VPS13B: variants seen among roughly 807,000 people sequenced by gnomAD.
VPS13B encodes the protein vacuolar protein sorting 13 homolog B, also known as intermembrane lipid transfer protein VPS13B.
VPS13B carries 285 observed loss-of-function variants against 426.4 expected under a neutral mutation model. The ratio of observed to expected loss-of-function variants is 0.67; its 90% CI spans 0.61 to 0.74. VPS13B has a LOEUF of 0.74. Among genes scored for constraint, VPS13B ranks in the 30% least tolerant of loss-of-function variants. VPS13B has a pLI of 0.00. For missense variants in VPS13B, 4,537 were observed against 4,782.6 expected, an observed-to-expected ratio of 0.95 and a Z score of 1.51; for synonymous variants, 1,676 against 1,676.4, an observed-to-expected ratio of 1.00 and a Z score of 0.01.
intron 11 of VPS13B, 53 bp from the exon 12 acceptor site, chr8:99,136,612 T>G: frequency 6.3e-7 from 1 of 1,593,044 alleles, no homozygotes; most frequent in Non-Finnish European, 8.6e-7. Context: ...AGCTTTAAAC[T>G]CAAAAGTTTC....
intron 34 of VPS13B, among the ~76,000 whole-genome samples, chr8:99,653,081 T>C (rs1339959597): frequency 1.3e-5 from 2 of 152,198 alleles, no homozygotes; most frequent in Non-Finnish European, 2.9e-5. Context: ...AACAGCTAAA[T>C]TTCTTGGTGC....
chr8:99,439,244 A>G (rs1817557950), intron 22 of VPS13B, among the ~76,000 whole-genome samples: 1 of 152,188 alleles, frequency 6.6e-6, no homozygotes, highest in South Asian at 2.1e-4. Context: ...ACAATTATTT[A>G]TTGAGTACAT....
At chr8:99,082,892 G>A (rs1249888018) in intron 3 of VPS13B, among the ~76,000 whole-genome samples, 1 of 152,164 alleles carries the variant, frequency 6.6e-6, no homozygotes, top group East Asian at 1.9e-4. Context: ...AAGTCAGGTA[G>A]CCTGATGCCT....
intron 7 of VPS13B, among the ~76,000 whole-genome samples, chr8:99,118,523 C>T (rs1375637497): frequency 6.6e-6 from 1 of 151,846 alleles, no homozygotes; most frequent in African/African-American, 2.4e-5. Context: ...TTTCTTATGC[C>T]CCTTTCTAGT....
Position 99,150,051 on chromosome 8 carries a change from T to C in VPS13B, c.2013+2041T>C, listed in dbSNP as rs77557312. Among the ~76,000 whole-genome samples, 350 of 152,252 alleles carry C rather than the reference T, an allele frequency of 2.3e-3. 9 individuals carry two copies. In the East Asian group the frequency reaches 0.048, roughly 21 times the overall value. Reference sequence around the variant, plus strand: ...AAAAAGTGTCCTAACTTTAAAGAAGTTATGTAAGGGAATTAACTATATGCA... The same window carrying C: ...AAAAAGTGTCCTAACTTTAAAGAAGCTATGTAAGGGAATTAACTATATGCA... On this transcript the variant is annotated intron_variant, in intron 14 of 61. Transcript: ENST00000357162.
Position 99,226,348 on chromosome 8 carries a change from G to A in VPS13B, c.2515+33291G>A, listed in dbSNP as rs76153723. On this transcript the variant is annotated intron_variant, in intron 17 of 61. Coordinates refer to ENST00000357162, the MANE Select transcript of VPS13B (RefSeq NM_152564.5). ...CTTCAAATCCTTCAGACTGCTTTAG[G>A]TGTACTTCTTTTAAGTTCCCAGAGT... is the stretch of plus-strand genomic sequence containing the variant. 1.0e-2 allele frequency among the ~76,000 whole-genome samples: 1,514 copies of A among 152,106 alleles called. 34 individuals are homozygous for A. The highest frequency in any genetic ancestry group is 0.035 in the African/African-American group (1,451 of 41,476).
At chr8:99,237,632 A>G (rs1226416926) in intron 17 of VPS13B, among the ~76,000 whole-genome samples, 1 of 152,176 alleles carries the variant, frequency 6.6e-6, no homozygotes, top group Non-Finnish European at 1.5e-5. Flanking sequence ...ACAGGGATAT[A>G]GAATTAATTG....
intron 17 of VPS13B, among the ~76,000 whole-genome samples, chr8:99,246,140 A>T (rs1817203569): frequency 1.3e-5 from 2 of 152,356 alleles, no homozygotes; most frequent in East Asian, 3.9e-4. Context: ...GGGTTCAAGA[A>T]CACAAGTTTT....
intron 33 of VPS13B, among the ~76,000 whole-genome samples, chr8:99,607,332 C>T (rs1275351854): frequency 6.6e-6 from 1 of 152,100 alleles, no homozygotes; most frequent in Non-Finnish European, 1.5e-5. Flanking sequence ...AGATTAATGA[C>T]CAATGGTAGT....
chr8:99,021,933 G>C (rs1180029879), intron 2 of VPS13B, among the ~76,000 whole-genome samples: 1 of 152,090 alleles, frequency 6.6e-6, no homozygotes, highest in East Asian at 1.9e-4. Flanking sequence ...TTATAAAGCT[G>C]CCTGATTTAC....
intron 24 of VPS13B, among the ~76,000 whole-genome samples, chr8:99,472,525 A>T (rs915512987): frequency 6.6e-6 from 1 of 151,814 alleles, no homozygotes; most frequent in African/African-American, 2.4e-5. Context: ...AAAAAACTGG[A>T]TAAGCTAAGG....
In VPS13B at chr8:99,429,938, A is replaced by G. The variant is rs116272493; in HGVS notation, c.3083-1599A>G. ...GGTCCCTATATATAGCTCTAACCTC[A>G]TGTCCTACTTTTCTCACCCTTGCTC... On this transcript the variant is annotated intron_variant, in intron 21 of 61. Coordinates refer to ENST00000357162, the MANE Select transcript of VPS13B (RefSeq NM_152564.5). Among the ~76,000 whole-genome samples the G allele has an allele frequency of 2.1e-4, 32 of 152,138 alleles. No homozygotes were observed. In the East Asian group the frequency reaches 2.9e-3, roughly 14 times the overall value.
At chr8:99,860,949 T>C (rs1240040663) in intron 57 of VPS13B, among the ~76,000 whole-genome samples, 1 of 152,232 alleles carries the variant, frequency 6.6e-6, no homozygotes, top group African/African-American at 2.4e-5. Context: ...AATTACATCC[T>C]CAGAATGGCA....
intron 3 of VPS13B, among the ~76,000 whole-genome samples, chr8:99,087,531 C>T (rs915786438): frequency 1.3e-5 from 2 of 152,024 alleles, no homozygotes; most frequent in Non-Finnish European, 2.9e-5. Flanking sequence ...GCAGAAATCA[C>T]CTGTCTTCTG....
intron 17 of VPS13B, among the ~76,000 whole-genome samples, chr8:99,200,022 T>G (rs1005540265): frequency 3.9e-5 from 6 of 152,214 alleles, no homozygotes; most frequent in African/African-American, 1.2e-4. Flanking sequence ...GAATGAATCC[T>G]TGCATTCCCT....
At chr8:99,481,948 G>A in intron 25 of VPS13B, 146 bp downstream of exon 25, 1 of 1,000,084 alleles carries the variant, frequency 1.0e-6, no homozygotes, top group Non-Finnish European at 1.5e-6. Context: ...AGCAGTGACT[G>A]TCTATTCCTT....
At chr8:99,490,679 T>TTA (rs1820559642) in intron 25 of VPS13B, among the ~76,000 whole-genome samples, 1 of 152,202 alleles carries the variant, frequency 6.6e-6, no homozygotes, top group African/African-American at 2.4e-5. Flanking sequence ...ATTTTCTAAT[T>TTA]TATTTGCATA....
At chr8:99,161,932 C>T (rs1811681156) in intron 15 of VPS13B, among the ~76,000 whole-genome samples, 1 of 152,090 alleles carries the variant, frequency 6.6e-6, no homozygotes, top group African/African-American at 2.4e-5. Flanking sequence ...AGGGTCTCAC[C>T]ATGTTGACCA....
chr8:99,016,527 C>G (rs1841623369), intron 2 of VPS13B, among the ~76,000 whole-genome samples: 1 of 105,030 alleles, frequency 9.5e-6, no homozygotes, highest in Admixed American at 9.1e-5. Flanking sequence ...TTTGTGAAGT[C>G]TAAGTCTTTT....
Sources: allele counts gnomAD v4.1 joint callset (sites outside exome capture counted in the v4.1 genomes callset), GRCh38; gene constraint gnomAD v4.1.1; transcripts MANE v1.5; gene names NCBI Gene and HGNC (gene_info 2026-07-23, HGNC 2026-07-21).